The following FHIT variants were observed in gnomAD, a reference collection of about 807,000 sequenced individuals.
FHIT encodes the protein fragile histidine triad diadenosine triphosphatase.
A neutral mutation model predicts 17.9 loss-of-function variants in FHIT; 19 were observed. The observed-to-expected ratio is 1.06, with a 90% CI of 0.74 to 1.56. The LOEUF (loss-of-function observed/expected upper bound fraction) is 1.56. Among genes scored for constraint, FHIT ranks in the 40% most tolerant of loss-of-function variants. The pLI, the probability that FHIT is intolerant of heterozygous loss-of-function variation, is 0.00. For missense variants in FHIT, 248 were observed against 189.2 expected (o/e 1.31, Z -1.82); for synonymous variants, 81 against 69.7 (o/e 1.16, Z -0.81).
At chr3:60,812,300 T>C (rs10866040) in intron 4 of FHIT, among the ~76,000 whole-genome samples, 45,695 of 151,344 alleles carry the variant, frequency 0.3, 7,504 homozygotes, top group Middle Eastern at 0.39. Flanking sequence ...GCAGCTCAGA[T>C]TCCCAAGCAG....
intron 4 of FHIT, among the ~76,000 whole-genome samples, chr3:60,756,862 C>T (rs1553718414): frequency 4.6e-5 from 7 of 152,076 alleles, no homozygotes. Flanking sequence ...ACCTTGTGAC[C>T]ACACAGCACT....
At chr3:60,104,220 G>A (rs764934757) in intron 5 of FHIT, among the ~76,000 whole-genome samples, 23 of 152,148 alleles carry the variant, frequency 1.5e-4, no homozygotes, top group African/African-American at 1.9e-4. Flanking sequence ...CCCCTGAGTG[G>A]TCACGTAGCC....
intron 8 of FHIT, among the ~76,000 whole-genome samples, chr3:59,793,185 T>G (rs1699640452): frequency 6.6e-6 from 1 of 152,086 alleles, no homozygotes. Flanking sequence ...TACACTCAAG[T>G]TTTTGCATCT....
intron 2 of FHIT, among the ~76,000 whole-genome samples, chr3:61,056,911 T>C (rs551669130): frequency 3.3e-5 from 5 of 152,354 alleles, no homozygotes; most frequent in African/African-American, 1.2e-4. Context: ...ATTGCTGTTT[T>C]AGCTGTCACA....
intron 4 of FHIT, among the ~76,000 whole-genome samples, chr3:60,549,913 C>T (rs1169351533): frequency 6.6e-6 from 1 of 152,128 alleles, no homozygotes; most frequent in East Asian, 1.9e-4. Context: ...TATACCCTGG[C>T]ATTACTCAGT....
intron 3 of FHIT, among the ~76,000 whole-genome samples, chr3:60,969,022 C>A (rs558001585): frequency 6.6e-6 from 1 of 151,808 alleles, no homozygotes; most frequent in African/African-American, 2.4e-5. Context: ...AAAAATTGAA[C>A]TGTGGATTTA....
chr3:60,513,928 A>G (rs2035043808), intron 5 of FHIT, among the ~76,000 whole-genome samples: 1 of 152,208 alleles, frequency 6.6e-6, no homozygotes, highest in African/African-American at 2.4e-5. Context: ...ACAGGAGAGA[A>G]GAGGAGAGAA....
At chr3:60,946,678 T>C (rs369838307) in intron 3 of FHIT, among the ~76,000 whole-genome samples, 4 of 152,212 alleles carry the variant, frequency 2.6e-5, no homozygotes, top group African/African-American at 9.6e-5. Flanking sequence ...TTTAAAAGCC[T>C]CTGCGGAGGA....
chr3:60,403,315 A>C lies in FHIT; in HGVS notation c.103+133545T>G, dbSNP rs1320485224. On this transcript the variant is annotated intron_variant, in intron 5 of 9. Coordinates refer to ENST00000492590, the MANE Select transcript of FHIT (RefSeq NM_002012.4). ...GCTGGTGGTGCTTGGATTTCCTTTC[A>C]ACAGACCCTGAACTATGCAGTGCTT... Among the ~76,000 whole-genome samples, 3 of 152,290 alleles carry C rather than the reference A, an allele frequency of 2.0e-5. No individual in the cohort carries two copies. In the East Asian group the frequency reaches 5.8e-4, roughly 29 times the overall value.
chr3:60,417,627 A>G (rs914917684), intron 5 of FHIT, among the ~76,000 whole-genome samples: 1 of 152,172 alleles, frequency 6.6e-6, no homozygotes, highest in Non-Finnish European at 1.5e-5. Context: ...ATCATTCTCA[A>G]TGATCAGGAG....
At chr3:59,799,667 CCT>C (rs1699918468) in intron 8 of FHIT, among the ~76,000 whole-genome samples, 1 of 151,748 alleles carries the variant, frequency 6.6e-6, no homozygotes, top group Non-Finnish European at 1.5e-5. Context: ...GAGAAGAGAC[CCT>C]TTCTTCCATT....
At chr3:61,249,278 C>A (rs886332513) in intron 1 of FHIT, among the ~76,000 whole-genome samples, 10 of 152,180 alleles carry the variant, frequency 6.6e-5, no homozygotes, top group Non-Finnish European at 2.9e-5. Flanking sequence ...GGGCAAACTG[C>A]TTTACCACCT....
chr3:60,311,966 AG>A (rs1436111399), intron 5 of FHIT, among the ~76,000 whole-genome samples: 1 of 152,196 alleles, frequency 6.6e-6, no homozygotes, highest in Non-Finnish European at 1.5e-5. Context: ...ACAGTATAAT[AG>A]TTCTTTATAA....
At chr3:61,145,356 G>A (rs1262107640) in intron 2 of FHIT, among the ~76,000 whole-genome samples, 1 of 152,058 alleles carries the variant, frequency 6.6e-6, no homozygotes. Flanking sequence ...ATAAATGCGA[G>A]GGTTTATGTC....
At chr3:59,945,254 T>C (rs1157864992) in intron 7 of FHIT, among the ~76,000 whole-genome samples, 2 of 152,226 alleles carry the variant, frequency 1.3e-5, no homozygotes, top group African/African-American at 2.4e-5. Context: ...TGTTTTTGAT[T>C]TGCATTTCTC....
intron 5 of FHIT, among the ~76,000 whole-genome samples, chr3:60,179,248 C>G (rs759276484): frequency 6.6e-6 from 1 of 152,194 alleles, no homozygotes; most frequent in Non-Finnish European, 1.5e-5. Context: ...AACCAAAGTT[C>G]ATAGATGCCA....
intron 5 of FHIT, among the ~76,000 whole-genome samples, chr3:60,187,217 G>A (rs193059764): frequency 2.6e-5 from 4 of 152,220 alleles, no homozygotes; most frequent in Non-Finnish European, 5.9e-5. Context: ...CGTGCAAAAT[G>A]TGAAACCCCC....
chr3:60,031,568 G>A (rs1024784000), intron 5 of FHIT, among the ~76,000 whole-genome samples: 4 of 152,154 alleles, frequency 2.6e-5, no homozygotes, highest in African/African-American at 9.7e-5. Context: ...CCTGCAAAAT[G>A]GGGCTTATTT....
intron 5 of FHIT, among the ~76,000 whole-genome samples, chr3:60,515,693 G>T (rs1186429485): frequency 6.6e-6 from 1 of 152,078 alleles, no homozygotes; most frequent in Non-Finnish European, 1.5e-5. Flanking sequence ...TAACAATAAT[G>T]GAGCTTATAT....
Sources: gnomAD v4.1 joint callset for allele counts (sites outside exome capture counted in the v4.1 genomes callset) on GRCh38, gnomAD v4.1.1 for gene constraint, MANE v1.5 for transcripts, NCBI Gene and HGNC (gene_info 2026-07-23, HGNC 2026-07-21) for gene names.